The following SRGAP2C variants were observed in gnomAD, a reference collection of about 807,000 sequenced individuals.
The protein encoded by SRGAP2C is SLIT-ROBO Rho GTPase-activating protein 2C.
SRGAP2C carries 15 observed loss-of-function variants against 25.1 expected under a neutral mutation model. That is an observed-to-expected ratio of 0.60 (90% CI 0.40 to 0.92). The LOEUF (loss-of-function observed/expected upper bound fraction) is 0.92, where lower values mean the gene tolerates loss of function less well. Among genes scored for constraint, SRGAP2C ranks in the 40% least tolerant of loss-of-function variants. The pLI, the probability that SRGAP2C is intolerant of heterozygous loss-of-function variation, is 0.00. For synonymous variants in SRGAP2C, 44 were observed against 96.6 expected (o/e 0.46, Z 3.19); for missense variants, 144 against 264.4 (o/e 0.54, Z 3.16).
intron 3 of SRGAP2C, among the ~76,000 whole-genome samples, chr1:121,285,286 C>G (rs1657334462): frequency 6.6e-6 from 1 of 150,462 alleles, no homozygotes; most frequent in Admixed American, 6.7e-5. Flanking sequence ...TGCTTAATCC[C>G]AACAACTCCA....
intron 2 of SRGAP2C, among the ~76,000 whole-genome samples, chr1:121,263,361 G>A (rs1336079354): frequency 6.7e-5 from 10 of 148,488 alleles, no homozygotes; most frequent in Admixed American, 1.4e-4. Context: ...AACCCGGGAG[G>A]CGGTGCTTGC....
intron 2 of SRGAP2C, among the ~76,000 whole-genome samples, chr1:121,249,572 A>ATTT (rs1176237997): frequency 3.6e-5 from 1 of 27,504 alleles, no homozygotes. Flanking sequence ...ATATATATAT[A>ATTT]TATATATATT....
chr1:121,335,165 T>G (rs1658483885), intron 4 of SRGAP2C, among the ~76,000 whole-genome samples: 1 of 151,168 alleles, frequency 6.6e-6, no homozygotes, highest in Non-Finnish European at 1.5e-5. Context: ...TGGTGGTACG[T>G]GCCTGTAATC....
intron 3 of SRGAP2C, among the ~76,000 whole-genome samples, chr1:121,297,606 A>G (rs1454170444): frequency 1.3e-5 from 2 of 151,608 alleles, no homozygotes; most frequent in East Asian, 3.9e-4. Context: ...GGTAGCTGAT[A>G]ATAATTATCA....
rs1334104412 is a variant in SRGAP2C at position 121,338,436 on chromosome 1, G to GT, written c.423+13804dup. On this transcript the variant is annotated intron_variant, in intron 4 of 9. Coordinates refer to ENST00000367123, the MANE Select transcript of SRGAP2C (RefSeq NM_001329984.2). ...TCCTCCTTTTGACACGGCGTCTTCA[G>GT]TTTTTTTTCATTTTCATCTTCTTTC... 8.5e-5 allele frequency among the ~76,000 whole-genome samples: 2 copies of GT among 23,604 alleles called. 1 individual carries two copies. Among genetic ancestry groups the GT allele is most frequent in the Non-Finnish European group, 1.6e-4 (2 of 12,746 alleles). The allele number at this position is 23,604 out of a possible 152,430, so 15.5% of individuals were successfully genotyped here.
At chr1:121,236,604 G>T (rs1481600475) in intron 2 of SRGAP2C, among the ~76,000 whole-genome samples, 4 of 152,056 alleles carry the variant, frequency 2.6e-5, no homozygotes, top group Non-Finnish European at 5.9e-5. Flanking sequence ...ATCTTATCTG[G>T]TCTTTAATGA....
intron 2 of SRGAP2C, among the ~76,000 whole-genome samples, chr1:121,209,865 GA>G (rs1253662029): frequency 1.0e-5 from 1 of 96,006 alleles, no homozygotes; most frequent in African/African-American, 4.6e-5. Flanking sequence ...CTTTTATGGC[GA>G]AATGTGTTTG....
intron 3 of SRGAP2C, among the ~76,000 whole-genome samples, chr1:121,289,328 C>G (rs1296596202): frequency 6.7e-6 from 1 of 150,126 alleles, no homozygotes; most frequent in Non-Finnish European, 1.5e-5. Context: ...TCAGTACACC[C>G]TCCGCAGCCA....
At chr1:121,352,953 A>G (rs1658962441) in intron 4 of SRGAP2C, among the ~76,000 whole-genome samples, 1 of 147,856 alleles carries the variant, frequency 6.8e-6, no homozygotes, top group South Asian at 2.2e-4. Context: ...AGCCAGGCAT[A>G]GTGGCGGGCA....
At chr1:121,306,048 A>G (rs1657822714) in intron 3 of SRGAP2C, among the ~76,000 whole-genome samples, 1 of 152,208 alleles carries the variant, frequency 6.6e-6, no homozygotes. Context: ...TCCATCTAGG[A>G]CTAGGGACCT....
rs1264277718 is a variant in SRGAP2C at position 121,289,552 on chromosome 1, C to T, written c.260+4557C>T. ...CTTGGCCAGCCCAGAAAGGGGCTCC[C>T]ACAGTGCAGGGGGGAGGCTGAAGGG... On this transcript the variant is annotated intron_variant, in intron 3 of 9. Coordinates refer to ENST00000367123, the MANE Select transcript of SRGAP2C (RefSeq NM_001329984.2). Among the ~76,000 whole-genome samples, 1,026 of 109,950 alleles carry T rather than the reference C, an allele frequency of 9.3e-3. 14 individuals are homozygous for T. The highest frequency in any genetic ancestry group is 0.033 in the East Asian group (104 of 3,192). 72.1% of individuals were successfully genotyped at this position (109,950 alleles called of 152,430 possible).
intron 5 of SRGAP2C, among the ~76,000 whole-genome samples, chr1:121,368,140 A>C (rs1659386587): frequency 9.3e-6 from 1 of 107,216 alleles, no homozygotes; most frequent in African/African-American, 3.6e-5. Flanking sequence ...ACAGTGGCTC[A>C]TGCCCGTAAT....
intron 8 of SRGAP2C, among the ~76,000 whole-genome samples, chr1:121,384,772 G>T (rs1289592333): frequency 6.6e-6 from 1 of 151,508 alleles, no homozygotes; most frequent in Non-Finnish European, 1.5e-5. Flanking sequence ...ATACTCCGGA[G>T]TGCAGCTGAA....
In SRGAP2C at chr1:121,288,760, C is replaced by G; in HGVS notation, c.260+3765C>G. ...ACCAGAGCAGCTAGATACAGAGTGT[C>G]GATTGGTGCACTCACAAATCTTGAG... On this transcript the variant is annotated intron_variant, in intron 3 of 9. Transcript: ENST00000367123. 5.3e-5 allele frequency among the ~76,000 whole-genome samples: 3 copies of G among 57,134 alleles called. 1 individual carries two copies. The South Asian group carries it at 1.5e-3, about 28-fold the overall frequency. 37.5% of individuals were successfully genotyped at this position (57,134 alleles called of 152,430 possible). A position where few individuals can be genotyped will look rare whatever the true frequency, so the allele number is the denominator to read the frequency against.
intron 2 of SRGAP2C, among the ~76,000 whole-genome samples, chr1:121,282,457 AG>A (rs1334407087): frequency 2.6e-5 from 4 of 150,988 alleles, no homozygotes; most frequent in Non-Finnish European, 5.9e-5. Context: ...GGGGACTCAG[AG>A]GGACCTGACA....
At chr1:121,376,007 T>A (rs1476486545) in intron 7 of SRGAP2C, among the ~76,000 whole-genome samples, 2 of 148,148 alleles carry the variant, frequency 1.3e-5, no homozygotes, top group Non-Finnish European at 3.0e-5. Context: ...AGAGATAAGC[T>A]TTTTGTTTTT....
At chr1:121,277,435 T>G (rs1657131226) in intron 2 of SRGAP2C, among the ~76,000 whole-genome samples, 1 of 151,372 alleles carries the variant, frequency 6.6e-6, no homozygotes, top group African/African-American at 2.4e-5. Flanking sequence ...TTTTTTGAGA[T>G]GAGGTCTTGC....
At chr1:121,258,615 G>A (rs1195555796) in intron 2 of SRGAP2C, among the ~76,000 whole-genome samples, 3 of 150,550 alleles carry the variant, frequency 2.0e-5, no homozygotes, top group African/African-American at 7.3e-5. Flanking sequence ...ACAGGCATGT[G>A]CCACCACACC....
At position 121,191,959 on chromosome 1, in the gene SRGAP2C, G is replaced by A. The variant is rs587666942; in HGVS notation, c.67+4446G>A. ...GTGTGTGCACCACAGAGCTGGAAGC[G>A]AAATTTTGTAATTTCCATCTGGAGC... On this transcript the variant is annotated intron_variant, in intron 2 of 9. Coordinates refer to ENST00000367123, the MANE Select transcript of SRGAP2C (RefSeq NM_001329984.2). Among the ~76,000 whole-genome samples the A allele has an allele frequency of 1.7e-4, 26 of 148,892 alleles. No individual in the cohort carries two copies. The East Asian group carries it at 2.4e-3, about 14-fold the overall frequency.
Sources: gnomAD v4.1 joint callset for allele counts (sites outside exome capture counted in the v4.1 genomes callset) on GRCh38, gnomAD v4.1.1 for gene constraint, MANE v1.5 for transcripts, NCBI Gene and HGNC (gene_info 2026-07-23, HGNC 2026-07-21) for gene names.